CCDC15: variants seen among roughly 807,000 people sequenced by gnomAD.
The protein encoded by CCDC15 is coiled-coil domain containing 15.
In CCDC15, 105 loss-of-function variants were observed where a neutral mutation model predicts 114.5. The ratio of observed to expected loss-of-function variants is 0.92; its 90% confidence interval spans 0.78 to 1.08. The LOEUF is 1.08. CCDC15 is among the 50% of genes least tolerant of loss of function. The pLI is 0.00. For synonymous variants in CCDC15, 334 were observed against 377.8 expected (o/e 0.88, Z 1.34); for missense variants, 1,105 against 1,093.6 (o/e 1.01, Z -0.15).
intron 13 of CCDC15, among the ~76,000 whole-genome samples, chr11:125,026,928 A>AT (rs1165032041): frequency 2.0e-5 from 3 of 152,080 alleles, no homozygotes; most frequent in Non-Finnish European, 4.4e-5. Context: ...CCATTCTATT[A>AT]TTCTTACACC....
chr11:125,037,781 CTT>C (rs1948785751), intron 13 of CCDC15, among the ~76,000 whole-genome samples: 1 of 152,140 alleles, frequency 6.6e-6, no homozygotes, highest in African/African-American at 2.4e-5. Context: ...CTTTTTAAAA[CTT>C]TTTAAATTTT....
Position 124,991,372 on chromosome 11 carries a change from C to T in CCDC15, c.1909-89C>T, listed in dbSNP as rs1308473317. On this transcript the variant is annotated intron_variant, in intron 8 of 15. Transcript: ENST00000344762. Reference sequence around the variant, plus strand: ...TTTATATTATCCTGAAAAAAACTACCCTTTGGCCTTCAATGAAGCCTAGAA... The same window carrying T: ...TTTATATTATCCTGAAAAAAACTACTCTTTGGCCTTCAATGAAGCCTAGAA... 10 of 834,754 alleles carry T rather than the reference C, an allele frequency of 1.2e-5. 1 individual carries two copies. In the South Asian group the frequency reaches 3.1e-4, roughly 26 times the overall value. The allele number at this position is 834,754 out of a possible 1,614,324, so 51.7% of individuals were successfully genotyped here.
At chr11:125,008,753 C>T (rs1324805287) in intron 13 of CCDC15, among the ~76,000 whole-genome samples, 1 of 151,192 alleles carries the variant, frequency 6.6e-6, no homozygotes, top group Non-Finnish European at 1.5e-5. Flanking sequence ...AGTGCAGTGG[C>T]GTGATCTCGG....
At position 125,005,138 on chromosome 11, in the gene CCDC15, A is replaced by G. The variant is rs1383167720; in HGVS notation, c.2337A>G (p.Arg779=). 3.2e-6 allele frequency: 5 copies of G among 1,562,598 alleles called. No homozygotes were observed. In the Admixed American group the frequency reaches 7.4e-5, roughly 23 times the overall value. The change falls in exon 13 of 16, where the codon CGA becomes CGG. Residue 779 remains arginine, a synonymous_variant. Transcript: ENST00000344762. Reference sequence around the variant, plus strand: ...AAAAGCAGTACCTGAGACATAGACGACTTTTCATGGATATTGAGAGAGAAC... The same window carrying G: ...AAAAGCAGTACCTGAGACATAGACGGCTTTTCATGGATATTGAGAGAGAAC... ...ERQKQYLRHR[R]LFMDIEREQV... is the part of the protein sequence containing the mutation.
rs563738350 is a variant in CCDC15, at chr11:125,031,602, A to G, written c.2412-6829A>G. 2.6e-5 allele frequency among the ~76,000 whole-genome samples: 4 copies of G among 152,338 alleles called. No homozygotes were observed. The South Asian group carries it at 8.3e-4, about 32-fold the overall frequency. Reference sequence around the variant, plus strand: ...AGTAACAGGCTAAGAGCTGTCTCTCAAAAGGAGAGTAGTTATCTGCAGAAG... The same window carrying G: ...AGTAACAGGCTAAGAGCTGTCTCTCGAAAGGAGAGTAGTTATCTGCAGAAG... On this transcript the variant is annotated intron_variant, in intron 13 of 15. Transcript: ENST00000344762.
chr11:125,029,671 T>C (rs1206787557), intron 13 of CCDC15, among the ~76,000 whole-genome samples: 1 of 152,230 alleles, frequency 6.6e-6, no homozygotes, highest in African/African-American at 2.4e-5. Flanking sequence ...ATTCTTCTAC[T>C]ACCCATTTTG....
intron 13 of CCDC15, chr11:125,038,137 C>G (rs1010017995): frequency 5.7e-6 from 1 of 176,102 alleles, no homozygotes; most frequent in African/African-American, 2.4e-5. Flanking sequence ...CCAGGCTGAT[C>G]TGAAACTCCT....
chr11:125,040,933 T>G lies in CCDC15; in HGVS notation c.*222T>G, dbSNP rs1277761097. ...TGTCTTGTGAACCATACGGAGCCTA[T>G]TATTTTAAAATATGATCAGACAAGT... is the stretch of plus-strand genomic sequence containing the variant. On this transcript the variant is annotated 3_prime_UTR_variant, in exon 16 of 16. Coordinates refer to ENST00000344762, the MANE Select transcript of CCDC15 (RefSeq NM_025004.3). The G allele has an allele frequency of 1.0e-5, 5 of 484,724 alleles. No individual in the cohort carries two copies. Among genetic ancestry groups the G allele is most frequent in the Non-Finnish European group, 1.8e-5 (5 of 273,620 alleles). The allele number at this position is 484,724 out of a possible 1,614,324, so 30.0% of individuals were successfully genotyped here. A position where few individuals can be genotyped will look rare whatever the true frequency, so the allele number is the denominator to read the frequency against.
Position 124,987,922 on chromosome 11 carries a change from G to A in CCDC15, c.1696G>A (p.Asp566Asn). Residue 566 changes from aspartate to asparagine, a missense_variant, in exon 8 of 16, where the codon GAC becomes AAC. By Grantham distance (23) the Asp-to-Asn change is conservative. Coordinates refer to ENST00000344762, the MANE Select transcript of CCDC15 (RefSeq NM_025004.3). ...TCAGGACCAGGATTTTCTACCCAGA[G>A]ACCAAGGTGTTCTTCCCAAAGACCA... ...KCQDQDFLPR[D>N]QGVLPKDQNI... is the part of the protein sequence containing the mutation. 6.2e-7 allele frequency: 1 copy of A among 1,613,866 alleles called. No homozygotes were observed. The highest frequency in any genetic ancestry group is 8.5e-7 in the Non-Finnish European group (1 of 1,179,864).
At chr11:124,968,043 C>G (rs1380405236) in intron 4 of CCDC15, among the ~76,000 whole-genome samples, 1 of 152,138 alleles carries the variant, frequency 6.6e-6, no homozygotes, top group African/African-American at 2.4e-5. Context: ...TCAGAGGGCA[C>G]CTGGCTGTGT....
chr11:125,008,376 T>C lies in CCDC15; in HGVS notation c.2411+3164T>C, dbSNP rs916693993. Among the ~76,000 whole-genome samples the C allele has an allele frequency of 5.3e-5, 8 of 152,254 alleles. No individual in the cohort carries two copies. The East Asian group carries it at 1.5e-3, about 29-fold the overall frequency. On this transcript the variant is annotated intron_variant, in intron 13 of 15. Transcript: ENST00000344762. ...GATTGACTTTTGTATATTAAACTTG[T>C]ATCCTTCAACCCTGCTGTAATCACT... is the stretch of plus-strand genomic sequence containing the variant.
At chr11:125,006,218 C>T (rs1260445047) in intron 13 of CCDC15, among the ~76,000 whole-genome samples, 3 of 152,256 alleles carry the variant, frequency 2.0e-5, no homozygotes, top group South Asian at 2.1e-4. Context: ...GACATCCTTG[C>T]CAACATTTGG....
chr11:124,977,489 C>T lies in CCDC15; in HGVS notation c.642C>T (p.Ser214=). The change falls in exon 6 of 16, where the codon TCC becomes TCT. Residue 214 remains serine (S), a synonymous_variant. Transcript: ENST00000344762. ...AATTTTTTTTCCAGGAAGTGCTTTC[C>T]AGGAAACCAGCATCCACTGGGATAA... ...KSFLTREEVL[S]RKPASTGINT... is the part of the protein sequence containing the mutation. 6.3e-7 allele frequency: 1 copy of T among 1,590,632 alleles called. No individual in the cohort carries two copies. The highest frequency in any genetic ancestry group is 8.6e-7 in the Non-Finnish European group (1 of 1,169,196).
chr11:124,958,154 A>C (rs920683911), intron 2 of CCDC15, among the ~76,000 whole-genome samples: 1 of 152,208 alleles, frequency 6.6e-6, no homozygotes, highest in African/African-American at 2.4e-5. Flanking sequence ...AATAATGATA[A>C]GTGCTGTTAT....
chr11:124,964,415 T>A (rs1398362090), intron 4 of CCDC15, among the ~76,000 whole-genome samples: 2 of 152,220 alleles, frequency 1.3e-5, no homozygotes, highest in Non-Finnish European at 2.9e-5. Context: ...CAGTTGTGAA[T>A]GGGAGTTCAC....
intron 6 of CCDC15, among the ~76,000 whole-genome samples, chr11:124,983,197 G>A (rs1948100873): frequency 6.6e-6 from 1 of 152,202 alleles, no homozygotes; most frequent in East Asian, 1.9e-4. Flanking sequence ...TCGTTTTATT[G>A]TAATACTTAG....
chr11:125,031,726 A>G (rs1948740499), intron 13 of CCDC15, among the ~76,000 whole-genome samples: 1 of 152,120 alleles, frequency 6.6e-6, no homozygotes, highest in Non-Finnish European at 1.5e-5. Context: ...TGCCACTGAC[A>G]CCTCAAGCAC....
Position 124,991,529 on chromosome 11 carries a change from A to C in CCDC15, c.1977A>C (p.Ala659=). The part of the protein sequence containing the change: ...DEKGREDFSL[A]DYQCLPPKSQ... ...AAGGGAGAGAAGACTTTTCTCTGGC[A>C]GACTATCAGTGTTTGCCTCCCAAAT... Residue 659 remains alanine (A), a synonymous_variant, in exon 9 of 16, where the codon GCA becomes GCC. Transcript: ENST00000344762. 1 of 1,610,580 alleles carries C rather than the reference A, an allele frequency of 6.2e-7. No individual in the cohort carries two copies. Among genetic ancestry groups the C allele is most frequent in the Non-Finnish European group, 8.5e-7 (1 of 1,177,566 alleles).
At chr11:125,005,756 A>T (rs1376325349) in intron 13 of CCDC15, among the ~76,000 whole-genome samples, 1 of 151,924 alleles carries the variant, frequency 6.6e-6, no homozygotes, top group Non-Finnish European at 1.5e-5. Context: ...TGAACTCTCT[A>T]CTGTCTCCAT....
Sources: allele counts gnomAD v4.1 joint callset (sites outside exome capture counted in the v4.1 genomes callset), GRCh38; gene constraint gnomAD v4.1.1; transcripts MANE v1.5; gene names NCBI Gene and HGNC (gene_info 2026-07-23, HGNC 2026-07-21).